Variants in KIAA1328 observed in about 807,000 individuals in gnomAD.
The protein encoded by KIAA1328 is KIAA1328.
In KIAA1328, 52 loss-of-function variants were observed where a neutral mutation model predicts 68.1. The observed-to-expected ratio is 0.76, with a 90% CI of 0.61 to 0.96. KIAA1328 has a LOEUF of 0.96. KIAA1328 is among the 40% of genes least tolerant of loss of function. KIAA1328 has a pLI of 0.00. For synonymous variants in KIAA1328, 232 were observed against 239.4 expected (o/e 0.97, Z 0.28); for missense variants, 641 against 677.6 (o/e 0.95, Z 0.60).
At chr18:37,021,364 T>C (rs2054339733) in intron 6 of KIAA1328, among the ~76,000 whole-genome samples, 1 of 152,260 alleles carries the variant, frequency 6.6e-6, no homozygotes, top group African/African-American at 2.4e-5. Context: ...CACATTATTC[T>C]GTTCGATATT....
rs1338176973 is a variant in KIAA1328 at position 37,040,688 on chromosome 18, T to A, written c.577-26202T>A. On this transcript the variant is annotated intron_variant, in intron 6 of 9. Transcript: ENST00000280020. ...TTTTTTTTTCCTTTTCTGATATAGA[T>A]GTTTAAAGCTATAAATCTAAATGCT... Among the ~76,000 whole-genome samples the A allele has an allele frequency of 7.9e-5, 12 of 151,846 alleles. 1 individual carries two copies. The highest frequency in any genetic ancestry group is 1.8e-4 in the Non-Finnish European group (12 of 67,906).
At chr18:37,180,084 A>G (rs1328412842) in intron 9 of KIAA1328, among the ~76,000 whole-genome samples, 1 of 151,780 alleles carries the variant, frequency 6.6e-6, no homozygotes, top group Non-Finnish European at 1.5e-5. Context: ...ACACACACAC[A>G]CACACACACA....
chr18:37,025,510 T>A lies in KIAA1328; in HGVS notation c.577-41380T>A, dbSNP rs1468746210. 3.3e-5 allele frequency among the ~76,000 whole-genome samples: 5 copies of A among 152,188 alleles called. No homozygotes were observed. In the East Asian group the frequency reaches 9.7e-4, roughly 29 times the overall value. On this transcript the variant is annotated intron_variant, in intron 6 of 9. Coordinates refer to ENST00000280020, the MANE Select transcript of KIAA1328 (RefSeq NM_020776.3). Reference sequence around the variant, plus strand: ...TCAGCAAATGTAAAAGAACAGAAATTATAACAAACTGTCTCTCAGACCACA... The same window carrying A: ...TCAGCAAATGTAAAAGAACAGAAATAATAACAAACTGTCTCTCAGACCACA...
At chr18:37,152,241 A>G (rs185866220) in intron 7 of KIAA1328, among the ~76,000 whole-genome samples, 1 of 152,278 alleles carries the variant, frequency 6.6e-6, no homozygotes, top group Admixed American at 6.5e-5. Context: ...AGCATCTTCA[A>G]CAAAGAACAG....
At chr18:37,198,457 G>T (rs2060044640) in intron 9 of KIAA1328, among the ~76,000 whole-genome samples, 1 of 152,190 alleles carries the variant, frequency 6.6e-6, no homozygotes, top group African/African-American at 2.4e-5. Flanking sequence ...GCAGCAGGGA[G>T]GTCATTGGTG....
intron 6 of KIAA1328, among the ~76,000 whole-genome samples, chr18:36,969,289 G>T (rs1019558778): frequency 6.6e-6 from 1 of 152,060 alleles, no homozygotes; most frequent in Non-Finnish European, 1.5e-5. Context: ...CAAAATCAGA[G>T]CTTAACTGAA....
At chr18:36,853,471 G>T (rs2047280554) in intron 4 of KIAA1328, among the ~76,000 whole-genome samples, 2 of 151,260 alleles carry the variant, frequency 1.3e-5, no homozygotes, top group Admixed American at 1.3e-4. Context: ...TATTCTTAAA[G>T]TTATTTTCTT....
At chr18:37,086,085 G>A (rs1244163214) in intron 7 of KIAA1328, among the ~76,000 whole-genome samples, 1 of 152,160 alleles carries the variant, frequency 6.6e-6, no homozygotes, top group Admixed American at 6.5e-5. Context: ...CCAGGGCCTG[G>A]GGGGTTGGGG....
intron 7 of KIAA1328, among the ~76,000 whole-genome samples, chr18:37,088,764 T>A (rs2057180395): frequency 6.6e-6 from 1 of 152,028 alleles, no homozygotes; most frequent in African/African-American, 2.4e-5. Flanking sequence ...GTATGTATTT[T>A]TATATTATAA....
At chr18:36,884,968 A>G (rs2048449691) in intron 4 of KIAA1328, among the ~76,000 whole-genome samples, 1 of 151,682 alleles carries the variant, frequency 6.6e-6, no homozygotes, top group South Asian at 2.1e-4. Flanking sequence ...TTTTAACTTT[A>G]TAATTTTTTT....
rs577449700 is a variant in KIAA1328, at chr18:36,891,794, A to G, written c.448+6122A>G. Among the ~76,000 whole-genome samples the G allele has an allele frequency of 2.0e-5, 3 of 152,140 alleles. No homozygotes were observed. The South Asian group carries it at 6.2e-4, about 32-fold the overall frequency. ...CCATGTGCATGTGTCCTTTTCATAT[A>G]ATGGCTTGTTTTCCTTTGGGTGGAT... On this transcript the variant is annotated intron_variant, in intron 5 of 9. Coordinates refer to ENST00000280020, the MANE Select transcript of KIAA1328 (RefSeq NM_020776.3).
At chr18:36,932,436 A>G (rs1164215527) in intron 5 of KIAA1328, among the ~76,000 whole-genome samples, 1 of 152,110 alleles carries the variant, frequency 6.6e-6, no homozygotes, top group East Asian at 1.9e-4. Flanking sequence ...GTTGAAAGCT[A>G]ATCATGAAAA....
At chr18:36,865,068 A>T (rs1466199118) in intron 4 of KIAA1328, among the ~76,000 whole-genome samples, 24 of 108,884 alleles carry the variant, frequency 2.2e-4, no homozygotes, top group African/African-American at 3.5e-4. Context: ...TATCTCTATT[A>T]TTTCCTTCCT....
intron 6 of KIAA1328, among the ~76,000 whole-genome samples, chr18:36,962,749 A>G (rs1364698212): frequency 6.6e-6 from 1 of 152,230 alleles, no homozygotes; most frequent in African/African-American, 2.4e-5. Context: ...AGGCAGAAAT[A>G]AAGATCTTCT....
intron 6 of KIAA1328, among the ~76,000 whole-genome samples, chr18:37,057,500 T>G (rs2055961451): frequency 6.6e-6 from 1 of 151,192 alleles, no homozygotes. Flanking sequence ...CGATCTCGGC[T>G]CACTGCAAGC....
chr18:36,935,926 CACG>C (rs2151165392), intron 5 of KIAA1328, among the ~76,000 whole-genome samples: 1 of 152,254 alleles, frequency 6.6e-6, no homozygotes, highest in East Asian at 1.9e-4. Flanking sequence ...TTAGTCCTAT[CACG>C]ACAACTGTTA....
intron 5 of KIAA1328, among the ~76,000 whole-genome samples, chr18:36,934,613 A>G (rs1196315493): frequency 2.6e-5 from 4 of 152,108 alleles, no homozygotes; most frequent in Admixed American, 1.3e-4. Context: ...TTCCAATTTC[A>G]TCCATGTCCA....
At chr18:37,194,112 T>C (rs538230986) in intron 9 of KIAA1328, among the ~76,000 whole-genome samples, 1 of 152,350 alleles carries the variant, frequency 6.6e-6, no homozygotes, top group South Asian at 2.1e-4. Context: ...TGTGTGAGGA[T>C]ATCTGTAGGA....
intron 7 of KIAA1328, among the ~76,000 whole-genome samples, chr18:37,149,466 G>T (rs1307216905): frequency 6.6e-6 from 1 of 152,096 alleles, no homozygotes; most frequent in Non-Finnish European, 1.5e-5. Context: ...AGAAAATCTA[G>T]GTGGTACCAT....
Sources: gnomAD v4.1 joint callset for allele counts (sites outside exome capture counted in the v4.1 genomes callset) on GRCh38, gnomAD v4.1.1 for gene constraint, MANE v1.5 for transcripts, NCBI Gene and HGNC (gene_info 2026-07-23, HGNC 2026-07-21) for gene names.